DGKB: variants seen among roughly 807,000 people sequenced by gnomAD.
The protein encoded by DGKB is diacylglycerol kinase beta.
A neutral mutation model predicts 114.3 loss-of-function variants in DGKB; 67 were observed. The ratio of observed to expected loss-of-function variants is 0.59; its 90% confidence interval spans 0.48 to 0.72. The LOEUF is 0.72. Ranked by LOEUF, DGKB falls within the 30% of genes least tolerant of loss-of-function variation. The probability of loss-of-function intolerance (pLI) is 0.00; values close to 1 mark genes in which losing one functional copy is unlikely to be tolerated. For synonymous variants in DGKB, 398 were observed against 323.1 expected (o/e 1.23, Z -2.49); for missense variants, 907 against 975.2 (o/e 0.93, Z 0.93).
intron 1 of DGKB, among the ~76,000 whole-genome samples, chr7:14,851,337 T>C (rs928877013): frequency 1.4e-4 from 21 of 152,172 alleles, no homozygotes; most frequent in Admixed American, 2.0e-4. Context: ...TGAATTTGGT[T>C]TATTATCTTA....
intron 1 of DGKB, among the ~76,000 whole-genome samples, chr7:14,843,893 A>T (rs1474800558): frequency 6.6e-6 from 1 of 152,136 alleles, no homozygotes; most frequent in African/African-American, 2.4e-5. Flanking sequence ...TCTCCTAATC[A>T]CATGACTGTA....
chr7:14,148,194 G>C lies in DGKB; in HGVS notation c.*937C>G, dbSNP rs981813339. 6.6e-6 allele frequency: 1 copy of C among 152,416 alleles called. No homozygotes were observed. The highest frequency in any genetic ancestry group is 2.4e-5 in the African/African-American group (1 of 41,392). 9.4% of individuals were successfully genotyped at this position (152,416 alleles called of 1,614,324 possible). A position where few individuals can be genotyped will look rare whatever the true frequency, so the allele number is the denominator to read the frequency against. Reference sequence around the variant, plus strand: ...GTGAGAATTTTAATCATAATTAATGGGCAACTCACTCGCTTTCCAGCATTT... The same window carrying C: ...GTGAGAATTTTAATCATAATTAATGCGCAACTCACTCGCTTTCCAGCATTT... On this transcript the variant is annotated 3_prime_UTR_variant, in exon 26 of 26. Transcript: ENST00000402815.
chr7:14,628,438 GT>G (rs1217613465), intron 14 of DGKB, among the ~76,000 whole-genome samples: 1 of 151,964 alleles, frequency 6.6e-6, no homozygotes, highest in Non-Finnish European at 1.5e-5. Context: ...ATGTTCTTGA[GT>G]TTTTGCTATA....
chr7:14,509,564 A>G (rs551222276), intron 20 of DGKB, among the ~76,000 whole-genome samples: 2 of 152,312 alleles, frequency 1.3e-5, no homozygotes, highest in East Asian at 3.9e-4. Context: ...ACTGCTATAC[A>G]TCTTATTGAA....
At chr7:14,940,921 GA>G (rs1463622740) in intron 1 of DGKB, among the ~76,000 whole-genome samples, 2 of 151,940 alleles carry the variant, frequency 1.3e-5, no homozygotes, top group African/African-American at 4.8e-5. Context: ...GATATTTACT[GA>G]TTTTTAATAA....
rs116467399 is a variant in DGKB, at chr7:14,274,687, T to G, written c.2122+63828A>C. 8.1e-3 allele frequency among the ~76,000 whole-genome samples: 1,226 copies of G among 152,218 alleles called. 19 individuals are homozygous for G. The highest frequency in any genetic ancestry group is 0.028 in the African/African-American group (1,159 of 41,548). Reference sequence around the variant, plus strand: ...GACAGTGAATTTGGTATCTGGTATTTGGTATCTGGTGAGGGCTCTCTTGTT... The same window carrying G: ...GACAGTGAATTTGGTATCTGGTATTGGGTATCTGGTGAGGGCTCTCTTGTT... On this transcript the variant is annotated intron_variant, in intron 23 of 25. Coordinates refer to ENST00000402815, the MANE Select transcript of DGKB (RefSeq NM_001350709.2).
At chr7:14,419,521 G>A (rs952548525) in intron 21 of DGKB, among the ~76,000 whole-genome samples, 8 of 151,524 alleles carry the variant, frequency 5.3e-5, no homozygotes, top group Non-Finnish European at 8.8e-5. Flanking sequence ...TGTGGCAAAA[G>A]ACAATATGAA....
At chr7:14,602,800 A>T (rs562009518) in intron 17 of DGKB, among the ~76,000 whole-genome samples, 1 of 152,194 alleles carries the variant, frequency 6.6e-6, no homozygotes, top group Non-Finnish European at 1.5e-5. Context: ...AATAAAACAC[A>T]AGTTAAAGCA....
At chr7:14,231,710 A>G (rs1791886705) in intron 23 of DGKB, among the ~76,000 whole-genome samples, 1 of 151,972 alleles carries the variant, frequency 6.6e-6, no homozygotes, top group Admixed American at 6.6e-5. Context: ...AGAAAAAAAA[A>G]TAAAACTCAT....
chr7:14,892,864 A>ATGTG (rs10646592), intron 1 of DGKB, among the ~76,000 whole-genome samples: 80,966 of 146,856 alleles, frequency 0.55, 22,926 homozygotes, highest in Admixed American at 0.63. Context: ...ATATATATAT[A>ATGTG]TGTGTGTGTG....
At chr7:14,888,057 T>TTACCAATGA (rs1780592120) in intron 1 of DGKB, among the ~76,000 whole-genome samples, 1 of 151,802 alleles carries the variant, frequency 6.6e-6, no homozygotes, top group African/African-American at 2.4e-5. Flanking sequence ...TAGTGCAATC[T>TTACCAATGA]TACCAATGAC....
chr7:14,656,462 TAATTA>T (rs1467531846), intron 13 of DGKB, among the ~76,000 whole-genome samples: 2 of 151,632 alleles, frequency 1.3e-5, no homozygotes, highest in South Asian at 2.1e-4. Flanking sequence ...AATGATGGCC[TAATTA>T]ATCTTCTTGA....
chr7:14,671,356 G>A lies in DGKB; in HGVS notation c.1134+1573C>T, dbSNP rs141880654. 1.8e-4 allele frequency among the ~76,000 whole-genome samples: 28 copies of A among 152,212 alleles called. No homozygotes were observed. In the South Asian group the frequency reaches 4.8e-3, roughly 26 times the overall value. ...ACGAAATGCTCAATAGTCATCACAC[G>A]CTTCAGAGTAGATAGTACCACAAAA... is the stretch of plus-strand genomic sequence containing the variant. On this transcript the variant is annotated intron_variant, in intron 13 of 25. Coordinates refer to ENST00000402815, the MANE Select transcript of DGKB (RefSeq NM_001350709.2).
intron 1 of DGKB, among the ~76,000 whole-genome samples, chr7:14,863,697 G>C (rs1441477231): frequency 6.6e-6 from 1 of 152,054 alleles, no homozygotes; most frequent in Non-Finnish European, 1.5e-5. Context: ...GTACATTATA[G>C]AAAGATTCAG....
intron 21 of DGKB, among the ~76,000 whole-genome samples, chr7:14,387,522 C>T (rs1322834720): frequency 6.6e-6 from 1 of 152,094 alleles, no homozygotes; most frequent in Non-Finnish European, 1.5e-5. Flanking sequence ...AAGCAATCCT[C>T]CCACCTAAGC....
chr7:14,572,671 A>G (rs574156017), intron 20 of DGKB, among the ~76,000 whole-genome samples: 4 of 152,244 alleles, frequency 2.6e-5, no homozygotes, highest in South Asian at 4.1e-4. Flanking sequence ...ATGTCCACCA[A>G]TTGGTGAAGG....
At chr7:14,279,050 G>A (rs568394184) in intron 23 of DGKB, among the ~76,000 whole-genome samples, 7 of 152,320 alleles carry the variant, frequency 4.6e-5, no homozygotes, top group South Asian at 2.1e-4. Flanking sequence ...GAAGCAGGGC[G>A]AGGCATTGCC....
intron 2 of DGKB, among the ~76,000 whole-genome samples, chr7:14,775,270 G>C (rs963416385): frequency 6.6e-6 from 1 of 150,982 alleles, no homozygotes; most frequent in Non-Finnish European, 1.5e-5. Context: ...TTCTTTTATA[G>C]CTGTACCACA....
chr7:14,354,163 T>C (rs1191378248), intron 21 of DGKB, among the ~76,000 whole-genome samples: 1 of 152,178 alleles, frequency 6.6e-6, no homozygotes. Context: ...ATTTAAGATA[T>C]GGTATTTCTC....
Sources: allele counts gnomAD v4.1 joint callset (sites outside exome capture counted in the v4.1 genomes callset), GRCh38; gene constraint gnomAD v4.1.1; transcripts MANE v1.5; gene names NCBI Gene and HGNC (gene_info 2026-07-23, HGNC 2026-07-21).